The following ANKS1B variants were observed in gnomAD, a reference collection of about 807,000 sequenced individuals.
ANKS1B encodes ankyrin repeat and sterile alpha motif domain containing 1B, also known as ankyrin repeat and sterile alpha motif domain-containing protein 1B.
Under a neutral mutation model 148.3 loss-of-function variants are expected in ANKS1B, and 36 were observed. The observed-to-expected ratio is 0.24, with a 90% confidence interval of 0.19 to 0.32. The LOEUF (loss-of-function observed/expected upper bound fraction) is 0.32, where lower values mean the gene tolerates loss of function less well. Ranked by LOEUF, ANKS1B falls within the 10% of genes least tolerant of loss-of-function variation. The pLI, the probability that ANKS1B is intolerant of heterozygous loss-of-function variation, is 1.00. For synonymous variants in ANKS1B, 542 were observed against 560.8 expected (o/e 0.97, Z 0.47); for missense variants, 1,157 against 1,542.6 (o/e 0.75, Z 4.19).
chr12:99,316,953 C>G (rs1230337723), intron 12 of ANKS1B, among the ~76,000 whole-genome samples: 1 of 152,142 alleles, frequency 6.6e-6, no homozygotes, highest in East Asian at 1.9e-4. Context: ...TTGTTTTTGT[C>G]AGGTTTGTGA....
intron 12 of ANKS1B, among the ~76,000 whole-genome samples, chr12:99,327,236 T>TA (rs1167231225): frequency 8.4e-5 from 10 of 118,388 alleles, no homozygotes; most frequent in African/African-American, 3.4e-4. Context: ...ATAATTATAA[T>TA]AATTATAATT....
chr12:99,042,222 C>A (rs1261829559), intron 17 of ANKS1B, among the ~76,000 whole-genome samples: 6 of 152,128 alleles, frequency 3.9e-5, no homozygotes, highest in Admixed American at 3.9e-4. Flanking sequence ...TTGAGTTTTC[C>A]ATATAGCTTC....
intron 14 of ANKS1B, among the ~76,000 whole-genome samples, chr12:99,213,242 C>A (rs2083612706): frequency 6.6e-6 from 1 of 152,186 alleles, no homozygotes; most frequent in Non-Finnish European, 1.5e-5. Context: ...TCTCTCTACC[C>A]AGAGCACAGC....
intron 8 of ANKS1B, among the ~76,000 whole-genome samples, chr12:99,698,258 C>T (rs1043483445): frequency 2.0e-5 from 3 of 152,024 alleles, no homozygotes; most frequent in African/African-American, 4.8e-5. Flanking sequence ...AATCCAAGAA[C>T]GTTTTGAATA....
chr12:98,924,616 G>T (rs544138515), intron 17 of ANKS1B, among the ~76,000 whole-genome samples: 1 of 152,114 alleles, frequency 6.6e-6, no homozygotes, highest in Non-Finnish European at 1.5e-5. Flanking sequence ...TACTAGGGAC[G>T]TAAGTGTGGA....
At chr12:99,563,333 C>G (rs2097356671) in intron 9 of ANKS1B, among the ~76,000 whole-genome samples, 1 of 152,130 alleles carries the variant, frequency 6.6e-6, no homozygotes, top group African/African-American at 2.4e-5. Flanking sequence ...TGAATTATTT[C>G]TAGCTTTGAT....
At position 99,578,481 on chromosome 12, in the gene ANKS1B, T is replaced by C. The variant is rs2097539565; in HGVS notation, c.1273-73840A>G. Among the ~76,000 whole-genome samples the C allele has an allele frequency of 2.0e-5, 3 of 152,078 alleles. No homozygotes were observed. In the South Asian group the frequency reaches 6.2e-4, roughly 31 times the overall value. On this transcript the variant is annotated intron_variant, in intron 9 of 26. Coordinates refer to ENST00000683438, the MANE Select transcript of ANKS1B (RefSeq NM_001352186.2). Reference sequence around the variant, plus strand: ...CCCACAGTCTCTGCCCAAAAGCTCCTAGAATAAACAACTTCAGCAAAGTTT... The same window carrying C: ...CCCACAGTCTCTGCCCAAAAGCTCCCAGAATAAACAACTTCAGCAAAGTTT...
chr12:99,548,693 AAAC>A (rs1366756830), intron 9 of ANKS1B, among the ~76,000 whole-genome samples: 1 of 152,150 alleles, frequency 6.6e-6, no homozygotes, highest in East Asian at 1.9e-4. Context: ...TGAAAAAGAA[AAAC>A]AATAAGAAAA....
intron 14 of ANKS1B, among the ~76,000 whole-genome samples, chr12:99,205,927 C>T (rs2082617823): frequency 6.6e-6 from 1 of 152,116 alleles, no homozygotes; most frequent in Non-Finnish European, 1.5e-5. Flanking sequence ...AGGTGTCTGA[C>T]AGGGTCAGGC....
At chr12:99,267,644 CA>C (rs2076581798) in intron 12 of ANKS1B, among the ~76,000 whole-genome samples, 1 of 152,090 alleles carries the variant, frequency 6.6e-6, no homozygotes. Flanking sequence ...AAAAATTAAT[CA>C]AACAAGGTCC....
At chr12:99,751,848 A>G (rs1408772042) in intron 8 of ANKS1B, among the ~76,000 whole-genome samples, 4 of 152,106 alleles carry the variant, frequency 2.6e-5, no homozygotes. Context: ...CCTAATACAA[A>G]TTGGAATGAA....
intron 9 of ANKS1B, among the ~76,000 whole-genome samples, chr12:99,550,957 C>T (rs561134257): frequency 8.2e-4 from 125 of 152,224 alleles, no homozygotes; most frequent in Non-Finnish European, 1.5e-3. Flanking sequence ...GTGTTATGCT[C>T]TAATTTGTTT....
chr12:98,741,664 G>A (rs1418488368), downstream of ANKS1B, among the ~76,000 whole-genome samples: 1 of 152,156 alleles, frequency 6.6e-6, no homozygotes. Flanking sequence ...GAAACGGCCC[G>A]CTAAAATGGG....
intron 8 of ANKS1B, among the ~76,000 whole-genome samples, chr12:99,688,594 T>C (rs2098662354): frequency 6.6e-6 from 1 of 152,122 alleles, no homozygotes; most frequent in African/African-American, 2.4e-5. Flanking sequence ...CCTAGCACTT[T>C]AAGAGGCTGA....
At chr12:99,171,757 T>G (rs931148115) in intron 14 of ANKS1B, among the ~76,000 whole-genome samples, 2 of 152,146 alleles carry the variant, frequency 1.3e-5, no homozygotes, top group African/African-American at 4.8e-5. Flanking sequence ...ATTCCGTTGA[T>G]TTTGTTCTTG....
At chr12:99,303,580 T>C (rs2081964743) in intron 12 of ANKS1B, among the ~76,000 whole-genome samples, 1 of 152,156 alleles carries the variant, frequency 6.6e-6, no homozygotes, top group Non-Finnish European at 1.5e-5. Flanking sequence ...ATAAATTGTA[T>C]AAAGAAAAAT....
chr12:99,435,514 A>G (rs938670290), intron 11 of ANKS1B, among the ~76,000 whole-genome samples: 1 of 152,052 alleles, frequency 6.6e-6, no homozygotes, highest in Non-Finnish European at 1.5e-5. Flanking sequence ...AATTGTAGGC[A>G]AACATGATCT....
intron 15 of ANKS1B, among the ~76,000 whole-genome samples, chr12:99,146,576 A>G (rs2073189497): frequency 6.6e-6 from 1 of 152,104 alleles, no homozygotes; most frequent in South Asian, 2.1e-4. Context: ...GTTAAAGCAA[A>G]AACACCCTCT....
Position 99,015,690 on chromosome 12 carries a change from C to T in ANKS1B, c.2778+37467G>A, listed in dbSNP as rs935628323. ...GACCATCCTGGCTAACACGATGAAA[C>T]ACCGTCTCTATTAAAAATACAAAAA... On this transcript the variant is annotated intron_variant, in intron 17 of 26. Transcript: ENST00000683438. Among the ~76,000 whole-genome samples the T allele has an allele frequency of 9.9e-5, 15 of 152,196 alleles. No individual in the cohort carries two copies. The East Asian group carries it at 2.9e-3, about 29-fold the overall frequency.
Sources: gnomAD v4.1 joint callset for allele counts (sites outside exome capture counted in the v4.1 genomes callset) on GRCh38, gnomAD v4.1.1 for gene constraint, MANE v1.5 for transcripts, NCBI Gene and HGNC (gene_info 2026-07-23, HGNC 2026-07-21) for gene names.